The following RAB3IL1 variants were observed in gnomAD, a reference collection of about 807,000 sequenced individuals.
RAB3IL1 encodes the protein guanine nucleotide exchange factor for Rab-3A.
A neutral mutation model predicts 49.2 loss-of-function variants in RAB3IL1; 37 were observed. The ratio of observed to expected loss-of-function variants is 0.75; its 90% confidence interval spans 0.58 to 0.99. The LOEUF (loss-of-function observed/expected upper bound fraction) is 0.99, where lower values mean the gene tolerates loss of function less well. RAB3IL1 is among the 50% of genes least tolerant of loss of function. RAB3IL1 has a pLI of 0.00. For synonymous variants in RAB3IL1, 193 were observed against 213.9 expected, an observed-to-expected ratio of 0.90 and a Z score of 0.85; for missense variants, 484 against 513.0, an observed-to-expected ratio of 0.94 and a Z score of 0.55.
At chr11:61,915,214 A>G (rs1454468773) in intron 1 of RAB3IL1, among the ~76,000 whole-genome samples, 1 of 152,162 alleles carries the variant, frequency 6.6e-6, no homozygotes, top group African/African-American at 2.4e-5. Context: ...GCAGGGGTGC[A>G]TGCAGGAAGT....
At chr11:61,933,561 T>TA in the RAB3IL1 span, among the ~76,000 whole-genome samples, 62 of 152,210 alleles carry the variant, frequency 4.1e-4, no homozygotes, top group Non-Finnish European at 7.5e-4. Flanking sequence ...CAATTATCAT[T>TA]AAAAAAAGTA....
the RAB3IL1 span, among the ~76,000 whole-genome samples, chr11:61,927,800 T>C: frequency 6.6e-6 from 1 of 152,094 alleles, no homozygotes; most frequent in Admixed American, 6.6e-5. Flanking sequence ...CCATGTAAGA[T>C]GTGCCTGCTT....
At chr11:61,929,910 G>A in the RAB3IL1 span, among the ~76,000 whole-genome samples, 2 of 8,018 alleles carry the variant, frequency 2.5e-4, no homozygotes, top group African/African-American at 7.9e-4. Flanking sequence ...TTTTTTTTTT[G>A]ACAAGGTCTC....
At chr11:61,932,084 T>C in the RAB3IL1 span, among the ~76,000 whole-genome samples, 1 of 151,920 alleles carries the variant, frequency 6.6e-6, no homozygotes, top group Non-Finnish European at 1.5e-5. Context: ...ACCCCGTCTC[T>C]ACTAAAAATA....
chr11:61,932,374 C>T, the RAB3IL1 span, among the ~76,000 whole-genome samples: 1 of 151,990 alleles, frequency 6.6e-6, no homozygotes, highest in South Asian at 2.1e-4. Flanking sequence ...GACATGGTGG[C>T]TCACATCTGT....
chr11:61,902,656 C>G, intron 7 of RAB3IL1, 115 bp from the exon 8 acceptor site: 1 of 928,204 alleles, frequency 1.1e-6, no homozygotes, highest in Non-Finnish European at 1.6e-6. Flanking sequence ...GGCAGGCCTC[C>G]CTTCCCCCAC....
rs908608415 is a variant in RAB3IL1 at position 61,906,985 on chromosome 11, G to A, written c.439-301C>T. ...GAGAGTTCTGGGACCGCCCCCAGGAGCCAGGAAAGGCCCAGGCCTCACATT... is the reference window on the plus strand; with the variant it reads ...GAGAGTTCTGGGACCGCCCCCAGGAACCAGGAAAGGCCCAGGCCTCACATT... On this transcript the variant is annotated intron_variant, in intron 4 of 9. Transcript: ENST00000394836. This position sits in a 1 kb window ranked among gnomAD's most constrained non-coding sequence, Gnocchi z 4.6. Among the ~76,000 whole-genome samples the A allele has an allele frequency of 2.6e-5, 4 of 152,242 alleles. No individual in the cohort carries two copies. The highest frequency in any genetic ancestry group is 2.9e-5 in the Non-Finnish European group (2 of 68,040).
At chr11:61,904,994 C>G (rs1396696747) in intron 5 of RAB3IL1, 112 bp from the exon 6 acceptor site, 3 of 791,702 alleles carry the variant, frequency 3.8e-6, no homozygotes, top group Non-Finnish European at 6.1e-6. Flanking sequence ...GCCCAGCAAG[C>G]CAGCAGGTCG....
At position 61,906,320 on chromosome 11, in the gene RAB3IL1, C is replaced by G. The variant is rs1348257611; in HGVS notation, c.657+146G>C. The stretch of plus-strand genomic sequence containing the variant: ...TCACAGGAGGTTGGAGAGAAAGGAC[C>G]TGCCCAGCCCTCACATCCCAGAGAG... On this transcript the variant is annotated intron_variant, in intron 5 of 9. Coordinates refer to ENST00000394836, the MANE Select transcript of RAB3IL1 (RefSeq NM_013401.4). The surrounding 1 kb of genome is among the most constrained non-coding windows in gnomAD (Gnocchi z 4.6). 1 of 764,526 alleles carries G rather than the reference C, an allele frequency of 1.3e-6. No individual in the cohort carries two copies. Among genetic ancestry groups the G allele is most frequent in the Non-Finnish European group, 2.2e-6 (1 of 464,494 alleles). 47.4% of individuals were successfully genotyped at this position (764,526 alleles called of 1,614,324 possible). A position where few individuals can be genotyped will look rare whatever the true frequency, so the allele number is the denominator to read the frequency against.
At chr11:61,907,346 C>G in intron 4 of RAB3IL1, 47 bp downstream of exon 4, 1 of 1,594,450 alleles carries the variant, frequency 6.3e-7, no homozygotes, top group Non-Finnish European at 8.6e-7. Context: ...AGCCGGGAGG[C>G]AGGGGGGGTG....
chr11:61,946,193 G>A, the RAB3IL1 span, among the ~76,000 whole-genome samples: 1 of 152,172 alleles, frequency 6.6e-6, no homozygotes, highest in African/African-American at 2.4e-5. Context: ...TGGGCTGGCA[G>A]GTGTCCCACA....
chr11:61,941,969 G>C, the RAB3IL1 span, among the ~76,000 whole-genome samples: 1 of 152,140 alleles, frequency 6.6e-6, no homozygotes, highest in South Asian at 2.1e-4. Flanking sequence ...TTAGCACGTT[G>C]TGAGGCCTAG....
Position 61,917,518 on chromosome 11 carries a change from TGGGCTCGCGGCCCCCAGC to T in RAB3IL1, c.-169_-152del. The stretch of plus-strand genomic sequence containing the variant: ...GGCCGGTCAGTAGGTCTCAGACGCC[TGGGCTCGCGGCCCCCAGC>T]CCAGCCCCGACCCTGCCCTGGGCGG... On this transcript the variant is annotated 5_prime_UTR_variant, in exon 1 of 10. Coordinates refer to ENST00000394836, the MANE Select transcript of RAB3IL1 (RefSeq NM_013401.4). 1 of 1,121,252 alleles carries T rather than the reference TGGGCTCGCGGCCCCCAGC, an allele frequency of 8.9e-7. No individual in the cohort carries two copies. Among genetic ancestry groups the T allele is most frequent in the Non-Finnish European group, 1.1e-6 (1 of 918,496 alleles). 69.5% of individuals were successfully genotyped at this position (1,121,252 alleles called of 1,614,324 possible).
chr11:61,905,666 C>T (rs1447711848), intron 5 of RAB3IL1, among the ~76,000 whole-genome samples: 1 of 134,522 alleles, frequency 7.4e-6, no homozygotes, highest in African/African-American at 2.5e-5. Flanking sequence ...AGGGCCTGCT[C>T]GTCTTCCCTG....
chr11:61,906,357 G>C lies in RAB3IL1; in HGVS notation c.657+109C>G. On this transcript the variant is annotated intron_variant, in intron 5 of 9. Coordinates refer to ENST00000394836, the MANE Select transcript of RAB3IL1 (RefSeq NM_013401.4). The surrounding 1 kb of genome is among the most constrained non-coding windows in gnomAD (Gnocchi z 4.6). ...CACATCCCAGAGAGGCGCAGGACAG[G>C]CTCCAGGTCACACAGCATGGGGCAG... 9.8e-7 allele frequency: 1 copy of C among 1,017,030 alleles called. No homozygotes were observed. The highest frequency in any genetic ancestry group is 1.5e-6 in the Non-Finnish European group (1 of 679,582). 63.0% of individuals were successfully genotyped at this position (1,017,030 alleles called of 1,614,324 possible). A position where few individuals can be genotyped will look rare whatever the true frequency, so the allele number is the denominator to read the frequency against.
chr11:61,899,682 A>G (rs1474871584), intron 8 of RAB3IL1: 2 of 374,704 alleles, frequency 5.3e-6, no homozygotes, highest in Non-Finnish European at 1.0e-5. Context: ...GCTGACATCC[A>G]TCACGGAGAT....
the RAB3IL1 span, among the ~76,000 whole-genome samples, chr11:61,944,062 TCCTCC>T: frequency 6.6e-6 from 1 of 151,950 alleles, no homozygotes; most frequent in Middle Eastern, 3.4e-3. Context: ...ACATGAATCT[TCCTCC>T]CCTCCCCTCC....
chr11:61,944,246 C>CCTTT, the RAB3IL1 span, among the ~76,000 whole-genome samples: 8 of 143,438 alleles, frequency 5.6e-5, no homozygotes, highest in African/African-American at 1.7e-4. Context: ...TTCCTTCCTT[C>CCTTT]CTTCCTTCCT....
At chr11:61,938,031 T>G in the RAB3IL1 span, 1 of 152,070 alleles carries the variant, frequency 6.6e-6, no homozygotes, top group South Asian at 2.1e-4. Context: ...CCCCACATGA[T>G]CCAACTATAT....
Sources: gnomAD v4.1 joint callset for allele counts (sites outside exome capture counted in the v4.1 genomes callset) on GRCh38, gnomAD v4.1.1 for gene constraint, Gnocchi (gnomAD v3.1) non-coding constraint, MANE v1.5 for transcripts, NCBI Gene and HGNC (gene_info 2026-07-23, HGNC 2026-07-21) for gene names.